TXNRD1: variants seen among roughly 807,000 people sequenced by gnomAD.
TXNRD1 encodes thioredoxin reductase 1.
TXNRD1 carries 57 observed loss-of-function variants against 80.3 expected under a neutral mutation model. The observed-to-expected ratio is 0.71, with a 90% CI of 0.57 to 0.89. The LOEUF (loss-of-function observed/expected upper bound fraction) is 0.89. Ranked by LOEUF, TXNRD1 falls within the 40% of genes least tolerant of loss-of-function variation. TXNRD1 has a pLI of 0.00. For missense variants in TXNRD1, 730 were observed against 803.0 expected (o/e 0.91, Z 1.10); for synonymous variants, 291 against 285.2 (o/e 1.02, Z -0.20).
intron 6 of TXNRD1, 150 bp from the exon 7 acceptor site, chr12:104,315,627 G>GT (rs2135817223): frequency 1.2e-6 from 1 of 810,732 alleles, no homozygotes; most frequent in South Asian, 2.1e-5. Context: ...TATGGATGTT[G>GT]TAAGAGTTAG....
At chr12:104,240,891 C>T (rs761998825) in intron 1 of TXNRD1, among the ~76,000 whole-genome samples, 15 of 151,636 alleles carry the variant, frequency 9.9e-5, no homozygotes, top group Non-Finnish European at 1.9e-4. Context: ...TACAGGCGCC[C>T]GCCACCATGC....
At chr12:104,293,410 G>A (rs769326407) in intron 4 of TXNRD1, among the ~76,000 whole-genome samples, 2 of 152,090 alleles carry the variant, frequency 1.3e-5, no homozygotes, top group Non-Finnish European at 2.9e-5. Flanking sequence ...AGACAGTTGC[G>A]GTGGCCCCAT....
chr12:104,257,480 C>A (rs1050685589), intron 2 of TXNRD1, among the ~76,000 whole-genome samples: 3 of 145,152 alleles, frequency 2.1e-5, no homozygotes, highest in Non-Finnish European at 4.5e-5. Context: ...AATCCTGGCT[C>A]ACTGCAACCT....
At chr12:104,240,560 A>G (rs2032835467) in intron 1 of TXNRD1, among the ~76,000 whole-genome samples, 2 of 152,218 alleles carry the variant, frequency 1.3e-5, no homozygotes, top group Non-Finnish European at 2.9e-5. Flanking sequence ...AGTATAGGCA[A>G]GAGAACTTTT....
chr12:104,299,385 G>T (rs1206934118), intron 4 of TXNRD1, among the ~76,000 whole-genome samples: 1 of 151,184 alleles, frequency 6.6e-6, no homozygotes, highest in Non-Finnish European at 1.5e-5. Context: ...AAAAAATACA[G>T]ATATCTGTCT....
chr12:104,267,650 T>TTTCC (rs200360049), intron 3 of TXNRD1, among the ~76,000 whole-genome samples: 22,736 of 52,740 alleles, frequency 0.43, 2,242 homozygotes, highest in Middle Eastern at 0.54. Context: ...TGATGGTATC[T>TTTCC]TTCTTTCTTT....
intron 3 of TXNRD1, among the ~76,000 whole-genome samples, chr12:104,288,228 A>G (rs1162161491): frequency 6.6e-6 from 1 of 152,104 alleles, no homozygotes; most frequent in South Asian, 2.1e-4. Flanking sequence ...TGACCTCATG[A>G]TCCACCCGCC....
Position 104,267,721 on chromosome 12 carries a change from CT to C in TXNRD1, c.304+9643del, listed in dbSNP as rs1196328288. Among the ~76,000 whole-genome samples, 13 of 84,770 alleles carry C rather than the reference CT, an allele frequency of 1.5e-4. 1 individual carries two copies. The highest frequency in any genetic ancestry group is 7.7e-4 in the South Asian group (2 of 2,588). 55.6% of individuals were successfully genotyped at this position (84,770 alleles called of 152,430 possible). A position where few individuals can be genotyped will look rare whatever the true frequency, so the allele number is the denominator to read the frequency against. On this transcript the variant is annotated intron_variant, in intron 3 of 16. Coordinates refer to ENST00000525566, the MANE Select transcript of TXNRD1 (RefSeq NM_001093771.3). ...TCTTTCTCTCTTTCTTTCTTTCTTT[CT>C]CTTTCTTTCTTTCCTTTCTTCCTTC...
intron 4 of TXNRD1, among the ~76,000 whole-genome samples, chr12:104,294,963 T>G (rs1332024956): frequency 6.6e-6 from 1 of 152,234 alleles, no homozygotes; most frequent in Non-Finnish European, 1.5e-5. Context: ...TAATCCCTTC[T>G]TTTTGGAGGC....
chr12:104,235,722 A>T (rs977001704), intron 1 of TXNRD1, among the ~76,000 whole-genome samples: 15 of 152,198 alleles, frequency 9.9e-5, no homozygotes, highest in African/African-American at 3.6e-4. Context: ...TTAGGTTAGA[A>T]TGCAGGCCCA....
intron 4 of TXNRD1, among the ~76,000 whole-genome samples, chr12:104,310,475 T>C (rs1227318907): frequency 6.6e-6 from 1 of 152,212 alleles, no homozygotes; most frequent in African/African-American, 2.4e-5. Context: ...AACATTTTAT[T>C]GTGCTTGTTA....
chr12:104,336,065 A>G (rs1320046393), intron 15 of TXNRD1, among the ~76,000 whole-genome samples: 2 of 152,210 alleles, frequency 1.3e-5, no homozygotes, highest in African/African-American at 4.8e-5. Context: ...ATTAGATATC[A>G]CTTTTACTGC....
At chr12:104,282,204 G>T (rs1469851262) in intron 3 of TXNRD1, among the ~76,000 whole-genome samples, 1 of 152,182 alleles carries the variant, frequency 6.6e-6, no homozygotes, top group African/African-American at 2.4e-5. Flanking sequence ...AGGGTTTGGG[G>T]AGCTAGCAAG....
At chr12:104,282,660 G>A (rs1481830324) in intron 3 of TXNRD1, among the ~76,000 whole-genome samples, 1 of 152,084 alleles carries the variant, frequency 6.6e-6, no homozygotes, top group African/African-American at 2.4e-5. Flanking sequence ...TGGGGTGGTG[G>A]TAACTGCAAG....
chr12:104,240,799 A>T (rs553421231), intron 1 of TXNRD1, among the ~76,000 whole-genome samples: 1 of 147,976 alleles, frequency 6.8e-6, no homozygotes, highest in Non-Finnish European at 1.5e-5. Context: ...CTGGAGTGCA[A>T]TGGCACTATC....
chr12:104,303,950 T>A (rs1024158181), intron 4 of TXNRD1: 39 of 1,599,068 alleles, frequency 2.4e-5, no homozygotes, highest in Non-Finnish European at 3.2e-5. Context: ...GATGGATGTG[T>A]CAGTGAGGGC....
At chr12:104,336,429 G>GTAGAA (rs1352354495) in intron 15 of TXNRD1, among the ~76,000 whole-genome samples, 6 of 150,474 alleles carry the variant, frequency 4.0e-5, no homozygotes, top group Middle Eastern at 3.4e-3. Flanking sequence ...GTAAAAGCTT[G>GTAGAA]TAGAACTTCA....
intron 1 of TXNRD1, chr12:104,224,877 C>A (rs537370107): frequency 6.6e-6 from 3 of 456,670 alleles, no homozygotes; most frequent in African/African-American, 4.0e-5. Context: ...TCACTGGAAT[C>A]CTACAAATGG....
At chr12:104,343,798 C>CA (rs35961669) in intron 16 of TXNRD1, among the ~76,000 whole-genome samples, 12 of 145,792 alleles carry the variant, frequency 8.2e-5, no homozygotes, top group South Asian at 6.6e-4. Context: ...GACCCTGTCT[C>CA]AAAAAAAAAA....
Sources: allele counts gnomAD v4.1 joint callset (sites outside exome capture counted in the v4.1 genomes callset), GRCh38; gene constraint gnomAD v4.1.1; transcripts MANE v1.5; gene names NCBI Gene and HGNC (gene_info 2026-07-23, HGNC 2026-07-21).